Variants in TMPRSS11F observed in about 807,000 individuals in gnomAD.
The protein encoded by TMPRSS11F is transmembrane serine protease 11F, also known as transmembrane protease serine 11F.
Under a neutral mutation model 60.2 loss-of-function variants are expected in TMPRSS11F, and 47 were observed. The observed-to-expected ratio is 0.78, with a 90% CI of 0.62 to 1.00. The LOEUF is 1.00. Ranked by LOEUF, TMPRSS11F falls within the 50% of genes least tolerant of loss-of-function variation. TMPRSS11F has a pLI of 0.00. For synonymous variants in TMPRSS11F, 166 were observed against 167.3 expected (o/e 0.99, Z 0.06); for missense variants, 519 against 522.9 (o/e 0.99, Z 0.07).
At position 68,083,045 on chromosome 4, in the gene TMPRSS11F, G is replaced by A. The variant is rs993145139; in HGVS notation, c.282+7478C>T. ...GGGCAGGCCCCACAGCTATCTGATG[G>A]GCAAAAAAACTGTGAGCCACGAGCA... is the stretch of plus-strand genomic sequence containing the variant. On this transcript the variant is annotated intron_variant, in intron 3 of 9. Coordinates refer to ENST00000356291, the MANE Select transcript of TMPRSS11F (RefSeq NM_207407.2). 3.0e-4 allele frequency among the ~76,000 whole-genome samples: 45 copies of A among 152,124 alleles called. 1 individual carries two copies. Among genetic ancestry groups the A allele is most frequent in the Admixed American group, 2.5e-3 (38 of 15,282 alleles).
intron 3 of TMPRSS11F, among the ~76,000 whole-genome samples, chr4:68,078,752 T>C (rs1723636769): frequency 6.6e-6 from 1 of 152,158 alleles, no homozygotes; most frequent in African/African-American, 2.4e-5. Flanking sequence ...AGTAGTGACC[T>C]CACATATTTG....
chr4:68,064,677 C>T lies in TMPRSS11F; in HGVS notation c.1015+8G>A, dbSNP rs1437779284. 2 of 1,611,334 alleles carry T rather than the reference C, an allele frequency of 1.2e-6. No individual in the cohort carries two copies. The highest frequency in any genetic ancestry group is 1.7e-6 in the Non-Finnish European group (2 of 1,178,482). On this transcript the variant is annotated splice_region_variant and intron_variant, in intron 8 of 9. Transcript: ENST00000356291. ...TTGTGCTAAGAAAATTAGGTTGAAA[C>T]TGCTCACCATCATCTACAATGGATC...
chr4:68,095,528 G>T (rs1239347612), intron 2 of TMPRSS11F, among the ~76,000 whole-genome samples: 1 of 152,096 alleles, frequency 6.6e-6, no homozygotes, highest in Non-Finnish European at 1.5e-5. Context: ...CTAAATGTTG[G>T]TGAGGATATG....
intron 1 of TMPRSS11F, among the ~76,000 whole-genome samples, chr4:68,118,645 T>G (rs950356702): frequency 6.6e-6 from 1 of 152,178 alleles, no homozygotes. Flanking sequence ...TTTTGCTGGC[T>G]GAAGGTGAAA....
chr4:68,118,050 G>A (rs1311703391), intron 1 of TMPRSS11F, among the ~76,000 whole-genome samples: 1 of 152,150 alleles, frequency 6.6e-6, no homozygotes, highest in Non-Finnish European at 1.5e-5. Context: ...CAAGCTGTAA[G>A]AGAAACTAAC....
chr4:68,064,734 T>C lies in TMPRSS11F; in HGVS notation c.966A>G (p.Pro322=), dbSNP rs1723285784. 2.5e-6 allele frequency: 4 copies of C among 1,614,196 alleles called. No individual in the cohort carries two copies. The highest frequency in any genetic ancestry group is 2.5e-6 in the Non-Finnish European group (3 of 1,180,038). ...CTGTGACGAACACACTTGTTTTAGG[T>C]GGCAACTTTATAGATGAGTCTGGGA... ...VCLPDSSIKL[P]PKTSVFVTGF... Residue 322 remains proline, a synonymous_variant, in exon 8 of 10, where the codon CCA becomes CCG. Transcript: ENST00000356291.
chr4:68,107,099 A>C (rs1281876307), intron 1 of TMPRSS11F, among the ~76,000 whole-genome samples: 1 of 152,204 alleles, frequency 6.6e-6, no homozygotes, highest in African/African-American at 2.4e-5. Flanking sequence ...CTTGTATTAG[A>C]ATGGTCACAT....
At chr4:68,120,232 T>C (rs929158232) in intron 1 of TMPRSS11F, among the ~76,000 whole-genome samples, 1 of 152,224 alleles carries the variant, frequency 6.6e-6, no homozygotes, top group Non-Finnish European at 1.5e-5. Context: ...TCAACACTGT[T>C]GATATGAAAA....
chr4:68,063,361 T>C, intron 8 of TMPRSS11F: 1 of 422,942 alleles, frequency 2.4e-6, no homozygotes, highest in Non-Finnish European at 4.6e-6. Context: ...TTTCTCTCTT[T>C]TTTTTTGTTT....
At chr4:68,064,001 T>C (rs576650552) in intron 8 of TMPRSS11F, among the ~76,000 whole-genome samples, 4 of 152,302 alleles carry the variant, frequency 2.6e-5, no homozygotes, top group African/African-American at 9.6e-5. Context: ...AACATATTTA[T>C]ATCTAGGAAA....
intron 1 of TMPRSS11F, among the ~76,000 whole-genome samples, chr4:68,114,322 T>A (rs1042089476): frequency 6.6e-6 from 1 of 151,752 alleles, no homozygotes; most frequent in Non-Finnish European, 1.5e-5. Flanking sequence ...TATAAAGATA[T>A]ATAGAATTAT....
At chr4:68,116,606 A>G (rs780456438) in intron 1 of TMPRSS11F, among the ~76,000 whole-genome samples, 4 of 152,222 alleles carry the variant, frequency 2.6e-5, no homozygotes, top group Admixed American at 6.5e-5. Context: ...CTACAAAGCC[A>G]TAGTAATCAA....
At chr4:68,054,560 T>G (rs1723003279) in intron 9 of TMPRSS11F, among the ~76,000 whole-genome samples, 1 of 152,066 alleles carries the variant, frequency 6.6e-6, no homozygotes, top group Non-Finnish European at 1.5e-5. Context: ...AAAACAAAAA[T>G]AAGAACAAAG....
At chr4:68,092,227 T>C in intron 2 of TMPRSS11F, among the ~76,000 whole-genome samples, 1 of 152,174 alleles carries the variant, frequency 6.6e-6, no homozygotes, top group East Asian at 1.9e-4. Context: ...TCATAAATGC[T>C]GTATCAGAAA....
At chr4:68,125,445 G>A (rs139186277) in intron 1 of TMPRSS11F, among the ~76,000 whole-genome samples, 1 of 152,002 alleles carries the variant, frequency 6.6e-6, no homozygotes, top group Non-Finnish European at 1.5e-5. Flanking sequence ...AGTCATATAT[G>A]ATACTGGAAG....
chr4:68,053,610 T>C lies in TMPRSS11F; in HGVS notation c.*299A>G, dbSNP rs1722983897. 1 of 239,492 alleles carries C rather than the reference T, an allele frequency of 4.2e-6. No homozygotes were observed. The highest frequency in any genetic ancestry group is 8.4e-5 in the East Asian group (1 of 11,962). 14.8% of individuals were successfully genotyped at this position (239,492 alleles called of 1,614,324 possible). A position where few individuals can be genotyped will look rare whatever the true frequency, so the allele number is the denominator to read the frequency against. ...CTTCATATCCTGTGGAAAATGATGT[T>C]CCTGTCTTCAATTGAGGGAAACCAC... On this transcript the variant is annotated 3_prime_UTR_variant, in exon 10 of 10. Coordinates refer to ENST00000356291, the MANE Select transcript of TMPRSS11F (RefSeq NM_207407.2).
At position 68,069,882 on chromosome 4, in the gene TMPRSS11F, G is replaced by A. The variant is rs139252386; in HGVS notation, c.553+87C>T. The A allele has an allele frequency of 2.6e-4, 284 of 1,086,838 alleles. 1 individual carries two copies. The African/African-American group carries it at 4.3e-3, about 16-fold the overall frequency. 67.3% of individuals were successfully genotyped at this position (1,086,838 alleles called of 1,614,324 possible). The stretch of plus-strand genomic sequence containing the variant: ...ATATAAAATGAGTCTTAAAAAGCTT[G>A]GTAAACTTTACTGCCAACTTTTCTA... On this transcript the variant is annotated intron_variant, in intron 6 of 9. Coordinates refer to ENST00000356291, the MANE Select transcript of TMPRSS11F (RefSeq NM_207407.2).
At chr4:68,093,255 C>T (rs1319371520) in intron 2 of TMPRSS11F, among the ~76,000 whole-genome samples, 1 of 151,944 alleles carries the variant, frequency 6.6e-6, no homozygotes, top group Non-Finnish European at 1.5e-5. Flanking sequence ...AATAGTATAC[C>T]CCTTTATATA....
In TMPRSS11F at chr4:68,056,896, A is replaced by C. The variant is rs554002311; in HGVS notation, c.1158+2430T>G. 1.7e-3 allele frequency among the ~76,000 whole-genome samples: 252 copies of C among 152,330 alleles called. 1 individual carries two copies. The highest frequency in any genetic ancestry group is 5.9e-3 in the African/African-American group (245 of 41,592). On this transcript the variant is annotated intron_variant, in intron 9 of 9. Transcript: ENST00000356291. ...GAAAAAAACACATATATTTATGGTC[A>C]ATTGATTTGTTGACAAAGATGCCAA... is the stretch of plus-strand genomic sequence containing the variant.
Sources: allele counts gnomAD v4.1 joint callset (sites outside exome capture counted in the v4.1 genomes callset), GRCh38; gene constraint gnomAD v4.1.1; transcripts MANE v1.5; gene names NCBI Gene and HGNC (gene_info 2026-07-23, HGNC 2026-07-21).